FAT3: variants seen among roughly 807,000 people sequenced by gnomAD.
FAT3 encodes the protein protocadherin Fat 3.
FAT3 carries 95 observed loss-of-function variants against 310.2 expected under a neutral mutation model. That is an observed-to-expected ratio of 0.31 (90% CI 0.26 to 0.36). The LOEUF (loss-of-function observed/expected upper bound fraction) is 0.36. FAT3 is among the 10% of genes least tolerant of loss of function. The pLI, the probability that FAT3 is intolerant of heterozygous loss-of-function variation, is 1.00. For synonymous variants in FAT3, 2,314 were observed against 2,192.9 expected (o/e 1.06, Z -1.54); for missense variants, 5,408 against 5,715.6 (o/e 0.95, Z 1.74).
intron 2 of FAT3, among the ~76,000 whole-genome samples, chr11:92,438,367 G>A (rs1198674173): frequency 2.0e-5 from 3 of 151,950 alleles, no homozygotes; most frequent in Non-Finnish European, 4.4e-5. Context: ...GTCCAGAAAG[G>A]GTATGAATCA....
At chr11:92,861,979 G>C (rs1254383834) in intron 21 of FAT3, among the ~76,000 whole-genome samples, 2 of 152,100 alleles carry the variant, frequency 1.3e-5, no homozygotes, top group African/African-American at 4.8e-5. Flanking sequence ...AAATGCTCAT[G>C]GACAAAGAAT....
intron 3 of FAT3, among the ~76,000 whole-genome samples, chr11:92,625,190 C>T (rs1941272836): frequency 6.6e-6 from 1 of 152,166 alleles, no homozygotes; most frequent in Non-Finnish European, 1.5e-5. Flanking sequence ...GCTGCCCATG[C>T]CACATTTTTG....
intron 21 of FAT3, 24 bp from the exon 22 acceptor site, chr11:92,866,717 C>T (rs2136346634): frequency 1.3e-6 from 2 of 1,599,130 alleles, no homozygotes; most frequent in South Asian, 1.1e-5. Context: ...TTGAAAAGTG[C>T]TGCACTGTTC....
At chr11:92,568,868 G>T (rs781122313) in intron 3 of FAT3, among the ~76,000 whole-genome samples, 2 of 152,130 alleles carry the variant, frequency 1.3e-5, no homozygotes, top group Non-Finnish European at 2.9e-5. Flanking sequence ...ACCTCAGGTG[G>T]TATCTTCATG....
At chr11:92,293,863 T>G (rs1193470245) in intron 1 of FAT3, among the ~76,000 whole-genome samples, 1 of 152,042 alleles carries the variant, frequency 6.6e-6, no homozygotes, top group Non-Finnish European at 1.5e-5. Context: ...GGAAGTTTTA[T>G]GTTACCCAGA....
In FAT3 at chr11:92,895,875, T is replaced by G. The variant is rs1413060339; in HGVS notation, c.*4762T>G. 6.6e-6 allele frequency: 1 copy of G among 152,064 alleles called. No homozygotes were observed. The highest frequency in any genetic ancestry group is 1.5e-5 in the Non-Finnish European group (1 of 68,004). The allele number at this position is 152,064 out of a possible 1,614,324, so 9.4% of individuals were successfully genotyped here. A position where few individuals can be genotyped will look rare whatever the true frequency, so the allele number is the denominator to read the frequency against. ...CTTTAATTTGGGGGGTCGAATATAA[T>G]TGTAAGTCATCCACGCTGTTGGTCT... On this transcript the variant is annotated 3_prime_UTR_variant, in exon 28 of 28. Coordinates refer to ENST00000525166, the MANE Select transcript of FAT3 (RefSeq NM_001367949.2).
chr11:92,655,401 T>C (rs1416085586), intron 3 of FAT3, among the ~76,000 whole-genome samples: 4 of 152,244 alleles, frequency 2.6e-5, no homozygotes, highest in African/African-American at 9.6e-5. Flanking sequence ...TCAGGAATAC[T>C]GGACCTATCA....
chr11:92,613,318 G>A (rs886891003), intron 3 of FAT3, among the ~76,000 whole-genome samples: 2 of 151,930 alleles, frequency 1.3e-5, no homozygotes, highest in Non-Finnish European at 2.9e-5. Context: ...TTCTATTTAG[G>A]ACTTAAGAAA....
intron 4 of FAT3, among the ~76,000 whole-genome samples, chr11:92,759,255 A>G (rs1946083559): frequency 6.6e-6 from 1 of 152,222 alleles, no homozygotes; most frequent in Non-Finnish European, 1.5e-5. Context: ...AGCCTCATTT[A>G]TTAAATAAGC....
intron 7 of FAT3, among the ~76,000 whole-genome samples, chr11:92,782,326 G>C (rs1946774205): frequency 6.6e-6 from 1 of 152,022 alleles, no homozygotes; most frequent in Admixed American, 6.6e-5. Flanking sequence ...GCTGGGTACA[G>C]GGGTCATGCT....
intron 22 of FAT3, among the ~76,000 whole-genome samples, chr11:92,875,031 T>C (rs1949496741): frequency 6.6e-6 from 1 of 152,054 alleles, no homozygotes. Context: ...TCATTATTGA[T>C]ATTTTTGAAA....
intron 2 of FAT3, among the ~76,000 whole-genome samples, chr11:92,452,369 A>G (rs960997708): frequency 6.6e-6 from 1 of 152,202 alleles, no homozygotes; most frequent in African/African-American, 2.4e-5. Flanking sequence ...TTTTACAGTA[A>G]TTTTAGATAA....
intron 3 of FAT3, among the ~76,000 whole-genome samples, chr11:92,566,249 A>C (rs945297694): frequency 2.6e-5 from 4 of 152,174 alleles, no homozygotes; most frequent in Non-Finnish European, 4.4e-5. Flanking sequence ...ATAACAGACA[A>C]ACAGAGAGCT....
chr11:92,798,904 G>C lies in FAT3; in HGVS notation c.5891G>C (p.Ser1964Thr). The C allele has an allele frequency of 6.2e-7, 1 of 1,613,952 alleles. No individual in the cohort carries two copies. Among genetic ancestry groups the C allele is most frequent in the East Asian group, 2.2e-5 (1 of 44,882 alleles). ...IVKVSDGKFYSTSMVTIMVKE... is the reference protein window; with the variant it reads ...IVKVSDGKFYTTSMVTIMVKE... ...AAGGTGTCTGATGGAAAGTTCTACA[G>C]TACCTCCATGGTCACCATCATGGTT... The change falls in exon 10 of 28, where the codon AGT (serine) becomes ACT (threonine). Residue 1964 changes from serine to threonine, a missense_variant. Coordinates refer to ENST00000525166, the MANE Select transcript of FAT3 (RefSeq NM_001367949.2).
At chr11:92,767,542 A>G (rs1472879027) in intron 6 of FAT3, among the ~76,000 whole-genome samples, 1 of 152,068 alleles carries the variant, frequency 6.6e-6, no homozygotes, top group Non-Finnish European at 1.5e-5. Context: ...TCCTACTGGC[A>G]TGCCTTTCTG....
At chr11:92,254,574 C>G (rs1418010106) in intron 1 of FAT3, among the ~76,000 whole-genome samples, 4 of 152,014 alleles carry the variant, frequency 2.6e-5, no homozygotes, top group Admixed American at 6.6e-5. Flanking sequence ...AAATTCCAAA[C>G]TAATTTTTGA....
intron 2 of FAT3, among the ~76,000 whole-genome samples, chr11:92,477,928 G>A (rs1391262355): frequency 6.6e-6 from 1 of 152,180 alleles, no homozygotes; most frequent in Admixed American, 6.5e-5. Flanking sequence ...CTGTGTGCAT[G>A]TTAGAAGTCA....
At position 92,492,241 on chromosome 11, in the gene FAT3, T is replaced by TTCCATCCA. The variant is rs58384100; in HGVS notation, c.3293-32351_3293-32344dup. Among the ~76,000 whole-genome samples, 1,242 of 148,844 alleles carry TTCCATCCA rather than the reference T, an allele frequency of 8.3e-3. 19 individuals are homozygous for TTCCATCCA. The highest frequency in any genetic ancestry group is 0.032 in the Admixed American group (480 of 14,882). On this transcript the variant is annotated intron_variant, in intron 2 of 27. Transcript: ENST00000525166. ...TGCTATTCATCAACTATATATATAT[T>TTCCATCCA]TCCATCCATCCATCCATCCATCCAT...
Position 92,762,072 on chromosome 11 carries a change from G to T in FAT3, c.3886G>T (p.Val1296Leu). Reference protein sequence around the residue: ...GPNAEISYSIVDGNDDGKFFI... With the variant: ...GPNAEISYSILDGNDDGKFFI... ...CAACGCAGAAATCTCCTACAGTATT[G>T]TGGATGGGAATGATGACGGAAAGTT... is the stretch of plus-strand genomic sequence containing the variant. Residue 1296 changes from valine to leucine, a missense_variant, in exon 5 of 28, where the codon GTG becomes TTG. This residue lies in a region of FAT3 where 4,588 missense variants were observed against 4,809.8 expected (regional missense o/e 0.95). Coordinates refer to ENST00000525166, the MANE Select transcript of FAT3 (RefSeq NM_001367949.2). 6.2e-7 allele frequency: 1 copy of T among 1,613,990 alleles called. No individual in the cohort carries two copies. The highest frequency in any genetic ancestry group is 8.5e-7 in the Non-Finnish European group (1 of 1,179,878).
Sources: gnomAD v4.1 joint callset for allele counts (sites outside exome capture counted in the v4.1 genomes callset) on GRCh38, gnomAD v4.1.1 for gene constraint, gnomAD v4.1.1 regional missense constraint, MANE v1.5 for transcripts, NCBI Gene and HGNC (gene_info 2026-07-23, HGNC 2026-07-21) for gene names.